Variants in RASGRF2 observed in about 807,000 individuals in gnomAD.
RASGRF2 encodes Ras protein specific guanine nucleotide releasing factor 2.
In RASGRF2, 76 loss-of-function variants were observed where a neutral mutation model predicts 151.0. The ratio of observed to expected loss-of-function variants is 0.50; its 90% CI spans 0.42 to 0.61. The LOEUF (loss-of-function observed/expected upper bound fraction) is 0.61, where lower values mean the gene tolerates loss of function less well. RASGRF2 is among the 20% of genes least tolerant of loss of function. The probability of loss-of-function intolerance (pLI) is 0.00; values close to 1 mark genes in which losing one functional copy is unlikely to be tolerated. For missense variants in RASGRF2, 1,148 were observed against 1,564.6 expected, an observed-to-expected ratio of 0.73 and a Z score of 4.49; for synonymous variants, 504 against 566.5, an observed-to-expected ratio of 0.89 and a Z score of 1.57.
intron 2 of RASGRF2, among the ~76,000 whole-genome samples, chr5:81,044,744 C>G (rs772842460): frequency 2.0e-5 from 3 of 152,116 alleles, no homozygotes; most frequent in Non-Finnish European, 4.4e-5. Context: ...GATTCAAACC[C>G]AAGTTGAATT....
At chr5:81,212,174 A>G (rs1033802825) in intron 22 of RASGRF2, among the ~76,000 whole-genome samples, 192 bp from the exon 23 acceptor site, 36 of 152,230 alleles carry the variant, frequency 2.4e-4, no homozygotes, top group African/African-American at 8.7e-4. Flanking sequence ...CTCAAAGGAC[A>G]AACAGATGCT....
intron 1 of RASGRF2, among the ~76,000 whole-genome samples, chr5:81,002,077 G>A (rs2112291578): frequency 6.6e-6 from 1 of 152,318 alleles, no homozygotes; most frequent in African/African-American, 2.4e-5. Flanking sequence ...GGTCCAGTTG[G>A]TGAAATACTG....
chr5:81,043,060 T>G (rs1300742114), intron 2 of RASGRF2, 77 bp downstream of exon 2: 9 of 1,101,162 alleles, frequency 8.2e-6, no homozygotes, highest in Non-Finnish European at 1.1e-5. Context: ...GTGGTAGTTT[T>G]GGAAGAACTT....
chr5:81,124,256 C>T (rs1323928641), intron 16 of RASGRF2, among the ~76,000 whole-genome samples: 2 of 152,164 alleles, frequency 1.3e-5, no homozygotes, highest in Non-Finnish European at 2.9e-5. Context: ...CAAGGGATGA[C>T]TGTAATGTTA....
At chr5:81,224,888 T>G (rs1486699177) in intron 26 of RASGRF2, among the ~76,000 whole-genome samples, 1 of 152,240 alleles carries the variant, frequency 6.6e-6, no homozygotes, top group East Asian at 1.9e-4. Context: ...AAGAGCAGAT[T>G]GACCGAGTAG....
chr5:81,056,559 G>T lies in RASGRF2; in HGVS notation c.396-11473G>T, dbSNP rs1462412808. Among the ~76,000 whole-genome samples the T allele has an allele frequency of 5.3e-5, 8 of 152,252 alleles. No individual in the cohort carries two copies. In the South Asian group the frequency reaches 1.4e-3, roughly 28 times the overall value. On this transcript the variant is annotated intron_variant, in intron 2 of 26. Transcript: ENST00000265080. ...TGCTTTACTTCCAACTATGTGGTCA[G>T]TTTTGGAATAAGTGCGGTGTGGTGC...
chr5:81,005,654 G>A (rs1749245440), intron 1 of RASGRF2, among the ~76,000 whole-genome samples: 1 of 152,140 alleles, frequency 6.6e-6, no homozygotes, highest in African/African-American at 2.4e-5. Context: ...ATGGACTTTT[G>A]GGTAGTTTCT....
intron 15 of RASGRF2, among the ~76,000 whole-genome samples, chr5:81,115,834 G>A (rs538605948): frequency 6.6e-6 from 1 of 152,120 alleles, no homozygotes; most frequent in Non-Finnish European, 1.5e-5. Flanking sequence ...CTCTAGTTAT[G>A]TGGATAATAC....
chr5:81,137,490 T>C, intron 17 of RASGRF2, among the ~76,000 whole-genome samples: 1 of 152,212 alleles, frequency 6.6e-6, no homozygotes, highest in East Asian at 1.9e-4. Flanking sequence ...TTGCTTTATA[T>C]CTGTTATGGG....
intron 17 of RASGRF2, among the ~76,000 whole-genome samples, chr5:81,154,518 C>G (rs1369563580): frequency 1.3e-5 from 2 of 152,170 alleles, no homozygotes; most frequent in African/African-American, 4.8e-5. Flanking sequence ...GTGTAAGTTA[C>G]AGCACCTGGC....
chr5:81,127,251 G>C, intron 17 of RASGRF2, 88 bp downstream of exon 17: 2 of 1,330,788 alleles, frequency 1.5e-6, no homozygotes, highest in Non-Finnish European at 2.1e-6. Context: ...TGAGACACTC[G>C]GCAGCTCTCA....
chr5:80,962,270 G>C (rs1747586014), intron 1 of RASGRF2, among the ~76,000 whole-genome samples: 1 of 152,174 alleles, frequency 6.6e-6, no homozygotes, highest in African/African-American at 2.4e-5. Context: ...CTGAGGGCTT[G>C]TTCAGAGTCA....
intron 1 of RASGRF2, among the ~76,000 whole-genome samples, chr5:80,970,006 G>C (rs1290027837): frequency 6.6e-6 from 1 of 151,166 alleles, no homozygotes; most frequent in Non-Finnish European, 1.5e-5. Flanking sequence ...TGTATTTTTA[G>C]TAGAGACAGG....
At chr5:81,164,403 A>C (rs1262171174) in intron 17 of RASGRF2, among the ~76,000 whole-genome samples, 1 of 151,962 alleles carries the variant, frequency 6.6e-6, no homozygotes, top group East Asian at 1.9e-4. Flanking sequence ...CCAAAATGAC[A>C]CATTCATTGT....
At chr5:81,015,129 CA>C (rs1749587145) in intron 1 of RASGRF2, among the ~76,000 whole-genome samples, 1 of 152,124 alleles carries the variant, frequency 6.6e-6, no homozygotes, top group Non-Finnish European at 1.5e-5. Flanking sequence ...ACCATCTTCA[CA>C]AAGATGGTAG....
chr5:81,053,261 G>A (rs1751076620), intron 2 of RASGRF2, among the ~76,000 whole-genome samples: 1 of 143,730 alleles, frequency 7.0e-6, no homozygotes, highest in Non-Finnish European at 1.5e-5. Flanking sequence ...ATCTCCTAAT[G>A]TTTTCCCTCC....
At chr5:81,050,207 G>A (rs910085581) in intron 2 of RASGRF2, among the ~76,000 whole-genome samples, 2 of 152,136 alleles carry the variant, frequency 1.3e-5, no homozygotes, top group African/African-American at 4.8e-5. Flanking sequence ...CTATTGCTCT[G>A]CCACCTCGCC....
intron 2 of RASGRF2, among the ~76,000 whole-genome samples, chr5:81,057,551 A>G (rs1040432528): frequency 3.0e-4 from 46 of 152,166 alleles, no homozygotes; most frequent in African/African-American, 9.9e-4. Flanking sequence ...TTATTTGTTC[A>G]TTTATGATTG....
At chr5:81,213,943 C>T (rs1193023181) in intron 23 of RASGRF2, among the ~76,000 whole-genome samples, 1 of 152,196 alleles carries the variant, frequency 6.6e-6, no homozygotes, top group Non-Finnish European at 1.5e-5. Flanking sequence ...GGATTCCCTG[C>T]ACCTTACACC....
Sources: allele counts gnomAD v4.1 joint callset (sites outside exome capture counted in the v4.1 genomes callset), GRCh38; gene constraint gnomAD v4.1.1; transcripts MANE v1.5; gene names NCBI Gene and HGNC (gene_info 2026-07-23, HGNC 2026-07-21).